Variants in PTPRZ1 observed in about 807,000 individuals in gnomAD.
PTPRZ1 encodes protein tyrosine phosphatase receptor type Z1.
In PTPRZ1, 82 loss-of-function variants were observed where a neutral mutation model predicts 214.1. The observed-to-expected ratio is 0.38, with a 90% CI of 0.32 to 0.46. The LOEUF (loss-of-function observed/expected upper bound fraction) is 0.46, where lower values mean the gene tolerates loss of function less well. PTPRZ1 is among the 20% of genes least tolerant of loss of function. The probability of loss-of-function intolerance (pLI) is 1.00; values close to 1 mark genes in which losing one functional copy is unlikely to be tolerated. For missense variants in PTPRZ1, 2,603 were observed against 2,748.7 expected (o/e 0.95, Z 1.19); for synonymous variants, 945 against 987.9 (o/e 0.96, Z 0.81).
intron 2 of PTPRZ1, among the ~76,000 whole-genome samples, chr7:121,953,560 G>A (rs1201313353): frequency 6.6e-6 from 1 of 152,158 alleles, no homozygotes; most frequent in Non-Finnish European, 1.5e-5. Context: ...AGAAAGCAAG[G>A]TGAAGACTAA....
At chr7:121,951,905 G>A (rs958655334) in intron 2 of PTPRZ1, among the ~76,000 whole-genome samples, 16 of 152,006 alleles carry the variant, frequency 1.1e-4, no homozygotes, top group Non-Finnish European at 2.2e-4. Flanking sequence ...CCCCTGGGCT[G>A]AAAAAGTAGA....
chr7:122,023,534 T>TAA (rs1439841961), intron 13 of PTPRZ1, among the ~76,000 whole-genome samples: 4 of 135,024 alleles, frequency 3.0e-5, no homozygotes, highest in South Asian at 2.1e-4. Flanking sequence ...TATATATATA[T>TAA]AATTTTATAT....
intron 27 of PTPRZ1, among the ~76,000 whole-genome samples, chr7:122,055,696 A>G (rs1390008325): frequency 1.3e-5 from 2 of 151,936 alleles, no homozygotes; most frequent in African/African-American, 4.8e-5. Context: ...ATATGCAAAT[A>G]TCTATTATTG....
At chr7:121,927,159 A>C (rs1795789913) in intron 1 of PTPRZ1, among the ~76,000 whole-genome samples, 1 of 152,266 alleles carries the variant, frequency 6.6e-6, no homozygotes, top group African/African-American at 2.4e-5. Context: ...CTATATAAAC[A>C]GAGTGCCAAT....
At chr7:121,964,476 C>T (rs1796980912) in intron 2 of PTPRZ1, among the ~76,000 whole-genome samples, 1 of 152,094 alleles carries the variant, frequency 6.6e-6, no homozygotes, top group East Asian at 1.9e-4. Context: ...GGGGAAACCG[C>T]CTCAATGATT....
At chr7:121,992,736 A>C (rs1798007940) in intron 8 of PTPRZ1, among the ~76,000 whole-genome samples, 1 of 151,698 alleles carries the variant, frequency 6.6e-6, no homozygotes, top group African/African-American at 2.4e-5. Context: ...AGGCTGAGAC[A>C]CTATCTTCTT....
chr7:122,013,967 A>G, intron 12 of PTPRZ1, 78 bp downstream of exon 12: 1 of 1,296,424 alleles, frequency 7.7e-7, no homozygotes, highest in Middle Eastern at 2.0e-4. Context: ...TTATAGAAAG[A>G]TAGAAATTTG....
At chr7:121,990,265 G>GATTT (rs895018146) in intron 8 of PTPRZ1, among the ~76,000 whole-genome samples, 46 of 152,202 alleles carry the variant, frequency 3.0e-4, no homozygotes, top group Non-Finnish European at 4.4e-4. Context: ...AACCATGTGA[G>GATTT]ATTTATATAT....
chr7:121,880,874 GGAGCATAAGGATACCCTT>G (rs1455586237), intron 1 of PTPRZ1, among the ~76,000 whole-genome samples: 1 of 152,136 alleles, frequency 6.6e-6, no homozygotes, highest in African/African-American at 2.4e-5. Context: ...TCTGCCCAAA[GGAGCATAAGGATACCCTT>G]GAGGAGCATG....
chr7:122,053,568 G>A (rs1027046909), intron 25 of PTPRZ1, among the ~76,000 whole-genome samples: 4 of 152,096 alleles, frequency 2.6e-5, no homozygotes, highest in African/African-American at 9.7e-5. Flanking sequence ...CAAGATGATA[G>A]GTAACCTTGA....
At chr7:122,024,407 A>G (rs1799145312) in intron 13 of PTPRZ1, among the ~76,000 whole-genome samples, 1 of 152,100 alleles carries the variant, frequency 6.6e-6, no homozygotes, top group Non-Finnish European at 1.5e-5. Context: ...GAAAAGCAAT[A>G]TGAATTCTCT....
chr7:121,948,522 G>T (rs1796455319), intron 2 of PTPRZ1, among the ~76,000 whole-genome samples: 1 of 152,002 alleles, frequency 6.6e-6, no homozygotes, highest in Non-Finnish European at 1.5e-5. Context: ...AGGTGGGGAG[G>T]ACCTTTCCAA....
intron 26 of PTPRZ1, 136 bp downstream of exon 26, chr7:122,054,174 T>G: frequency 3.2e-6 from 3 of 936,660 alleles, no homozygotes; most frequent in Non-Finnish European, 4.7e-6. Context: ...AGGCATACTC[T>G]TCTGCTGTTG....
intron 1 of PTPRZ1, among the ~76,000 whole-genome samples, chr7:121,884,447 T>G (rs1325811393): frequency 1.3e-5 from 2 of 152,184 alleles, no homozygotes; most frequent in African/African-American, 2.4e-5. Flanking sequence ...TTATTTTGAA[T>G]GTTAAAAGAT....
chr7:122,030,877 A>C (rs1486700264), intron 14 of PTPRZ1, among the ~76,000 whole-genome samples: 1 of 152,046 alleles, frequency 6.6e-6, no homozygotes, highest in Non-Finnish European at 1.5e-5. Context: ...CATATTTTCA[A>C]GTTAGAATTC....
intron 1 of PTPRZ1, among the ~76,000 whole-genome samples, chr7:121,893,241 GC>G (rs2116225552): frequency 6.6e-6 from 1 of 152,184 alleles, no homozygotes; most frequent in South Asian, 2.1e-4. Flanking sequence ...TAGTTTGATT[GC>G]ATGCCCAAAA....
At chr7:121,968,254 G>T in intron 3 of PTPRZ1, 124 bp downstream of exon 3, 3 of 737,520 alleles carry the variant, frequency 4.1e-6, no homozygotes, top group Non-Finnish European at 6.0e-6. Context: ...ACATGTAGAA[G>T]AAACCAAATG....
intron 6 of PTPRZ1, among the ~76,000 whole-genome samples, chr7:121,979,200 CTCTT>C (rs1007052280): frequency 1.3e-5 from 2 of 152,120 alleles, no homozygotes; most frequent in Non-Finnish European, 2.9e-5. Flanking sequence ...CCCTCAACCC[CTCTT>C]TCTTTCTTTC....
intron 20 of PTPRZ1, 34 bp downstream of exon 20, chr7:122,039,622 A>C: frequency 3.1e-6 from 5 of 1,606,996 alleles, no homozygotes; most frequent in Non-Finnish European, 4.2e-6. Context: ...TAATCAAGTG[A>C]ACAATGCATT....
Sources: gnomAD v4.1 joint callset for allele counts (sites outside exome capture counted in the v4.1 genomes callset) on GRCh38, gnomAD v4.1.1 for gene constraint, MANE v1.5 for transcripts, NCBI Gene and HGNC (gene_info 2026-07-23, HGNC 2026-07-21) for gene names.